Variants in ZNF335 observed in about 807,000 individuals in gnomAD.
ZNF335 encodes the protein NRC-interacting factor 1.
In ZNF335, 84 loss-of-function variants were observed where a neutral mutation model predicts 145.6. The observed-to-expected ratio is 0.58, with a 90% CI of 0.48 to 0.69. The LOEUF is 0.69. Ranked by LOEUF, ZNF335 falls within the 30% of genes least tolerant of loss-of-function variation. The pLI is 0.00. For synonymous variants in ZNF335, 761 were observed against 717.0 expected (o/e 1.06, Z -0.98); for missense variants, 1,865 against 1,809.7 (o/e 1.03, Z -0.55).
Position 45,952,541 on chromosome 20 carries a change from A to C in ZNF335, c.2815-20T>G, listed in dbSNP as rs779736762. 4.4e-6 allele frequency: 7 copies of C among 1,604,912 alleles called. No individual in the cohort carries two copies. The highest frequency in any genetic ancestry group is 6.0e-6 in the Non-Finnish European group (7 of 1,174,020). ...GGTGAGCTGTAGAGAGACAGGGAGCATGAGGTACTGAGAAGGGGAGGGAGG... is the reference window on the plus strand; with the variant it reads ...GGTGAGCTGTAGAGAGACAGGGAGCCTGAGGTACTGAGAAGGGGAGGGAGG... On this transcript the variant is annotated intron_variant, in intron 19 of 27. Transcript: ENST00000322927.
chr20:45,972,008 G>C, intron 1 of ZNF335, 114 bp downstream of exon 1: 1 of 1,207,486 alleles, frequency 8.3e-7, no homozygotes, highest in South Asian at 1.4e-5. Flanking sequence ...GGGACCCCGG[G>C]GCCCTGTTCG....
In ZNF335 at chr20:45,952,477, C is replaced by T. The variant is rs1167719577; in HGVS notation, c.2859G>A (p.Leu953=). ...GCAGGGGCCATTTGGCACCAGAGGC[C>T]AGAGCATCTGGACTTGGGAAGGAGA... The part of the protein sequence containing the change: ...GSISFPSPDA[L]ASGAKWPLLQ... Residue 953 remains leucine, a synonymous_variant, in exon 20 of 28, where the codon CTG becomes CTA. Transcript: ENST00000322927. 2 of 1,564,592 alleles carry T rather than the reference C, an allele frequency of 1.3e-6. No homozygotes were observed. The highest frequency in any genetic ancestry group is 1.4e-5 in the African/African-American group (1 of 73,918).
In ZNF335 at chr20:45,965,703, TG is replaced by T. The variant is rs1450854824; in HGVS notation, c.1026del (p.Ser343ValfsTer32). The T allele has an allele frequency of 1.2e-6, 2 of 1,603,728 alleles. No individual in the cohort carries two copies. Among genetic ancestry groups the T allele is most frequent in the Non-Finnish European group, 1.7e-6 (2 of 1,175,968 alleles). ...GRQLRLQRPT[P>X]STPRPRRRPG... ...GGTCTCCTTCGGGGCCTTGGGGTAC[TG>T]GGGGTGGGGCGCTGGAGCCGAAGCT... On this transcript the variant is annotated frameshift_variant, in exon 7 of 28. Transcript: ENST00000322927. LOFTEE classifies it high-confidence loss of function.
At chr20:45,967,685 C>T in intron 5 of ZNF335, 49 bp downstream of exon 5, 4 of 1,609,756 alleles carry the variant, frequency 2.5e-6, no homozygotes, top group Non-Finnish European at 3.4e-6. Context: ...GCTCCCAGCA[C>T]CCCACCCCTA....
chr20:45,949,106 G>A, intron 27 of ZNF335, 26 bp from the exon 28 acceptor site: 1 of 1,613,566 alleles, frequency 6.2e-7, no homozygotes, highest in Non-Finnish European at 8.5e-7. Context: ...AAAGTATGGT[G>A]AGCTGGAGGC....
At chr20:45,960,118 G>C in intron 14 of ZNF335, 90 bp downstream of exon 14, 1 of 1,456,366 alleles carries the variant, frequency 6.9e-7, no homozygotes. Flanking sequence ...GGCTACCGAG[G>C]GGGAAGGAAG....
chr20:45,949,305 A>AG (rs1269346863), intron 26 of ZNF335, 28 bp downstream of exon 26: 2 of 1,613,906 alleles, frequency 1.2e-6, no homozygotes, highest in Non-Finnish European at 1.7e-6. Flanking sequence ...CCTGTGCCCC[A>AG]GGTCTCCCTG....
In ZNF335 at chr20:45,953,831, C is replaced by T. The variant is rs201896098; in HGVS notation, c.2560G>A (p.Gly854Ser). The change falls in exon 18 of 28, where the codon GGT becomes AGT. Residue 854 changes from glycine (G) to serine (S), a missense_variant. Transcript: ENST00000322927. Reference protein sequence around the residue: ...VTLHVAEPGGGAAAESQLGPP... With the variant: ...VTLHVAEPGGSAAAESQLGPP... ...CCTAGCTGGCTCTCGGCTGCTGCAC[C>T]GCCCCCTGGCTCTGCCACGTGGAGG... 93 of 1,614,026 alleles carry T rather than the reference C, an allele frequency of 5.8e-5. 1 individual carries two copies. The South Asian group carries it at 8.8e-4, about 15-fold the overall frequency.
intron 17 of ZNF335, among the ~76,000 whole-genome samples, chr20:45,954,849 C>T (rs1357933206): frequency 6.7e-6 from 1 of 148,522 alleles, no homozygotes; most frequent in Non-Finnish European, 1.5e-5. Context: ...CTCACTGCAG[C>T]CTCAACCTCC....
chr20:45,963,963 G>C lies in ZNF335; in HGVS notation c.1130C>G (p.Ser377Cys), dbSNP rs2083903070. The C allele has an allele frequency of 1.3e-6, 2 of 1,528,804 alleles. No individual in the cohort carries two copies. The highest frequency in any genetic ancestry group is 2.6e-5 in the South Asian group (2 of 76,664). The allele number at this position is 1,528,804 out of a possible 1,614,324, so 94.7% of individuals were successfully genotyped here. ...CTCTGGAGGGCTCTGTCCACTCTGG[G>C]AACTCACTAGAGGCTCTCCTTCCAC... ...DGVEGEPLVSSQSGQSPPEPQ... is the reference protein window; with the variant it reads ...DGVEGEPLVSCQSGQSPPEPQ... The change falls in exon 8 of 28, where the codon TCC becomes TGC. Residue 377 changes from serine to cysteine, a missense_variant. Coordinates refer to ENST00000322927, the MANE Select transcript of ZNF335 (RefSeq NM_022095.4).
rs199828190 is a variant in ZNF335, at chr20:45,963,796, T to C, written c.1297A>G (p.Thr433Ala). 1.2e-6 allele frequency: 2 copies of C among 1,613,926 alleles called. No individual in the cohort carries two copies. The highest frequency in any genetic ancestry group is 3.3e-5 in the Admixed American group (2 of 59,994). ...GGTCGACCTCGGCGCCGGGGCAGAGTGTCATGCTCATCCGGGCAGGAGGGG... is the reference window on the plus strand; with the variant it reads ...GGTCGACCTCGGCGCCGGGGCAGAGCGTCATGCTCATCCGGGCAGGAGGGG... The part of the protein sequence containing the change: ...AAPSCPDEHD[T>A]LPRRRGRPSR... The change falls in exon 8 of 28, where the codon ACT becomes GCT. Residue 433 changes from threonine to alanine, a missense_variant. By Grantham distance (58) the Thr-to-Ala change is moderately conservative (BLOSUM62 0). Transcript: ENST00000322927.
chr20:45,960,249 C>T lies in ZNF335; in HGVS notation c.1979G>A (p.Arg660Gln), dbSNP rs780361857. 6.2e-6 allele frequency: 10 copies of T among 1,614,036 alleles called. No individual in the cohort carries two copies. In the African/African-American group the frequency reaches 8.0e-5, roughly 13 times the overall value. ...CACATGGGACAGCAAGAAGTCCTCTCGGAAGGTGCGGTAGGGACAAAAGCT... is the reference window on the plus strand; with the variant it reads ...CACATGGGACAGCAAGAAGTCCTCTTGGAAGGTGCGGTAGGGACAAAAGCT... ...KCSFCPYRTF[R>Q]EDFLLSHVAV... Residue 660 changes from arginine to glutamine, a missense_variant, in exon 14 of 28, where the codon CGA becomes CAA. Transcript: ENST00000322927.
At position 45,969,468 on chromosome 20, in the gene ZNF335, CCGATGGTGGACT is replaced by C. The variant is rs1174079748; in HGVS notation, c.413_424del (p.Glu138_Ile141del). ...TGACTCACTCTGGATGAGGTCGGGC[CCGATGGTGGACT>C]CGATGATCTTGTCGATGGCCGAGCC... On this transcript the variant is annotated inframe_deletion, in exon 3 of 28. Coordinates refer to ENST00000322927, the MANE Select transcript of ZNF335 (RefSeq NM_022095.4). The C allele has an allele frequency of 3.9e-6, 6 of 1,549,270 alleles. No homozygotes were observed. The highest frequency in any genetic ancestry group is 5.3e-6 in the Non-Finnish European group (6 of 1,137,454).
chr20:45,949,888 C>T lies in ZNF335; in HGVS notation c.3592-11G>A, dbSNP rs1374352175. 2.0e-5 allele frequency: 33 copies of T among 1,614,028 alleles called. No individual in the cohort carries two copies. The highest frequency in any genetic ancestry group is 2.8e-5 in the Non-Finnish European group (33 of 1,180,018). On this transcript the variant is annotated splice_polypyrimidine_tract_variant and intron_variant, in intron 23 of 27. Coordinates refer to ENST00000322927, the MANE Select transcript of ZNF335 (RefSeq NM_022095.4). ...GTAGGCGGCTTCCTCCTGCCAGGAC[C>T]AAGACAGCTCTAGCCTCATTTCTCT... is the stretch of plus-strand genomic sequence containing the variant.
At chr20:45,965,380 ATTTCTCT>A (rs2083932166) in intron 7 of ZNF335, among the ~76,000 whole-genome samples, 1 of 152,130 alleles carries the variant, frequency 6.6e-6, no homozygotes, top group Non-Finnish European at 1.5e-5. Context: ...AAAGTCCCAA[ATTTCTCT>A]TTTGCTATGA....
At chr20:45,966,167 T>C (rs1009242565) in intron 6 of ZNF335, among the ~76,000 whole-genome samples, 1 of 152,074 alleles carries the variant, frequency 6.6e-6, no homozygotes, top group Non-Finnish European at 1.5e-5. Context: ...ATATGCCTAG[T>C]CCAAACTGAG....
Position 45,949,034 on chromosome 20 carries a change from T to A in ZNF335, c.3948A>T (p.Thr1316=). The change falls in exon 28 of 28, where the codon ACA becomes ACT. Residue 1316 remains threonine (T), a synonymous_variant. Coordinates refer to ENST00000322927, the MANE Select transcript of ZNF335 (RefSeq NM_022095.4). ...AMAQAQGLFG[T]DETVPEHIQQ... The stretch of plus-strand genomic sequence containing the variant: ...GAATGTGTTCGGGCACTGTCTCGTC[T>A]GTACCAAACAGGCCCTGGGCTTGGG... 6.2e-7 allele frequency: 1 copy of A among 1,613,942 alleles called. No homozygotes were observed. The highest frequency in any genetic ancestry group is 1.3e-5 in the African/African-American group (1 of 75,072).
At chr20:45,950,139 C>T (rs1318585811) in intron 22 of ZNF335, 70 bp from the exon 23 acceptor site, 4 of 1,598,544 alleles carry the variant, frequency 2.5e-6, no homozygotes, top group Non-Finnish European at 3.4e-6. Flanking sequence ...GCTACTGTAC[C>T]CAGTGGTGCC....
intron 10 of ZNF335, 112 bp downstream of exon 10, chr20:45,961,958 G>A: frequency 1.2e-6 from 1 of 851,704 alleles, no homozygotes; most frequent in South Asian, 1.6e-5. Flanking sequence ...GCAGCAAATG[G>A]GGCTGGCTCA....
Sources: allele counts gnomAD v4.1 joint callset (sites outside exome capture counted in the v4.1 genomes callset), GRCh38; gene constraint gnomAD v4.1.1; transcripts MANE v1.5; gene names NCBI Gene and HGNC (gene_info 2026-07-23, HGNC 2026-07-21).